The following GFRA1 variants were observed in gnomAD, a reference collection of about 807,000 sequenced individuals.
GFRA1 encodes GDNF family receptor alpha-1.
In GFRA1, 16 loss-of-function variants were observed where a neutral mutation model predicts 51.6. The ratio of observed to expected loss-of-function variants is 0.31; its 90% CI spans 0.21 to 0.47. The LOEUF is 0.47. GFRA1 is among the 20% of genes least tolerant of loss of function. GFRA1 has a pLI of 1.00. For missense variants in GFRA1, 530 were observed against 594.3 expected, an observed-to-expected ratio of 0.89 and a Z score of 1.13; for synonymous variants, 270 against 241.3, an observed-to-expected ratio of 1.12 and a Z score of -1.10.
At chr10:116,183,338 C>G (rs978381444) in intron 5 of GFRA1, among the ~76,000 whole-genome samples, 1 of 152,206 alleles carries the variant, frequency 6.6e-6, no homozygotes, top group Admixed American at 6.5e-5. Flanking sequence ...TTCTAACAGC[C>G]TATCCTCACT....
chr10:116,151,848 C>G (rs1195910416), intron 5 of GFRA1, among the ~76,000 whole-genome samples: 1 of 152,070 alleles, frequency 6.6e-6, no homozygotes, highest in Non-Finnish European at 1.5e-5. Flanking sequence ...GGCAAACAAG[C>G]AAATAAATGA....
At chr10:116,179,773 A>G (rs934094513) in intron 5 of GFRA1, among the ~76,000 whole-genome samples, 15 of 152,206 alleles carry the variant, frequency 9.9e-5, no homozygotes, top group Non-Finnish European at 2.9e-5. Context: ...GCTAGAGGTG[A>G]ACTGTCCCAT....
At position 116,096,774 on chromosome 10, in the gene GFRA1, G is replaced by A. The variant is rs778381697; in HGVS notation, c.771-10C>T. ...ATCCGCAAGGCGAGATCTACAATAG[G>A]AAAAAAGGGGTGGGGGGTGGAAATG... On this transcript the variant is annotated splice_polypyrimidine_tract_variant and intron_variant, in intron 6 of 10. Coordinates refer to ENST00000355422, the MANE Select transcript of GFRA1 (RefSeq NM_005264.8). 1 of 1,440,572 alleles carries A rather than the reference G, an allele frequency of 6.9e-7. No homozygotes were observed. The highest frequency in any genetic ancestry group is 2.3e-5 in the East Asian group (1 of 44,004). 89.2% of individuals were successfully genotyped at this position (1,440,572 alleles called of 1,614,324 possible). A position where few individuals can be genotyped will look rare whatever the true frequency, so the allele number is the denominator to read the frequency against.
intron 5 of GFRA1, among the ~76,000 whole-genome samples, chr10:116,161,793 T>A (rs1393490202): frequency 6.6e-6 from 1 of 152,246 alleles, no homozygotes. Context: ...CTTTCCTTTA[T>A]AAATTACTCA....
At chr10:116,197,525 T>G (rs972684952) in intron 5 of GFRA1, among the ~76,000 whole-genome samples, 1 of 152,208 alleles carries the variant, frequency 6.6e-6, no homozygotes, top group African/African-American at 2.4e-5. Context: ...TGTGTGCACG[T>G]GCATCTGCAT....
intron 4 of GFRA1, among the ~76,000 whole-genome samples, chr10:116,261,977 C>T (rs987486393): frequency 3.3e-5 from 5 of 152,164 alleles, no homozygotes; most frequent in African/African-American, 1.2e-4. Context: ...GATCCATACA[C>T]TTTTACCAAA....
intron 4 of GFRA1, among the ~76,000 whole-genome samples, chr10:116,253,399 GGAGTTCA>G (rs1968552519): frequency 6.6e-6 from 1 of 152,124 alleles, no homozygotes; most frequent in Non-Finnish European, 1.5e-5. Context: ...TTTGAAGTCA[GGAGTTCA>G]AAACCAGCCT....
chr10:116,183,071 T>C (rs1962386138), intron 5 of GFRA1, among the ~76,000 whole-genome samples: 1 of 152,358 alleles, frequency 6.6e-6, no homozygotes, highest in Non-Finnish European at 1.5e-5. Flanking sequence ...CCTTGATGTT[T>C]CCCAAGTCTT....
chr10:116,272,048 G>T lies in GFRA1; in HGVS notation c.-19C>A. On this transcript the variant is annotated 5_prime_UTR_variant, in exon 2 of 11. Coordinates refer to ENST00000355422, the MANE Select transcript of GFRA1 (RefSeq NM_005264.8). This position sits in a 1 kb window ranked among gnomAD's most constrained non-coding sequence, Gnocchi z 4.4. ...GGAACATGGTGCCGGCGCGGGGCTG[G>T]TCCCCGCCCCCCCAAAAAAATCCCG... is the stretch of plus-strand genomic sequence containing the variant. The T allele has an allele frequency of 6.5e-7, 1 of 1,549,640 alleles. No homozygotes were observed. Among genetic ancestry groups the T allele is most frequent in the Non-Finnish European group, 8.7e-7 (1 of 1,146,608 alleles).
chr10:116,060,606 T>C lies in GFRA1; in HGVS notation c.*3792A>G, dbSNP rs1954762683. 6.6e-6 allele frequency: 1 copy of C among 152,234 alleles called. No homozygotes were observed. The highest frequency in any genetic ancestry group is 2.1e-4 in the South Asian group (1 of 4,828). The allele number at this position is 152,234 out of a possible 1,614,324, so 9.4% of individuals were successfully genotyped here. A position where few individuals can be genotyped will look rare whatever the true frequency, so the allele number is the denominator to read the frequency against. On this transcript the variant is annotated 3_prime_UTR_variant, in exon 11 of 11. Transcript: ENST00000355422. ...GCCAGTGGTAATTCTCTCCTGCCTGTTGTCATTGCTTTTAGGTCGTTCTTG... is the reference window on the plus strand; with the variant it reads ...GCCAGTGGTAATTCTCTCCTGCCTGCTGTCATTGCTTTTAGGTCGTTCTTG...
intron 5 of GFRA1, among the ~76,000 whole-genome samples, chr10:116,205,596 G>GATATATATATATATATATATAT (rs140642664): frequency 1.7e-4 from 24 of 140,584 alleles, no homozygotes; most frequent in African/African-American, 6.2e-4. Flanking sequence ...AAAAAAAAAA[G>GATATATATATATATATATATAT]ATATATATAT....
chr10:116,072,726 A>G (rs1228068623), intron 9 of GFRA1, among the ~76,000 whole-genome samples: 1 of 152,080 alleles, frequency 6.6e-6, no homozygotes, highest in Non-Finnish European at 1.5e-5. Flanking sequence ...ACACCACTGC[A>G]CTCCAGCCTG....
intron 5 of GFRA1, among the ~76,000 whole-genome samples, chr10:116,136,190 C>A (rs1958318003): frequency 6.6e-6 from 1 of 152,178 alleles, no homozygotes; most frequent in African/African-American, 2.4e-5. Flanking sequence ...CAGAGAGCAG[C>A]CCTTGCTTTT....
At chr10:116,197,069 T>A (rs1963942252) in intron 5 of GFRA1, among the ~76,000 whole-genome samples, 1 of 151,836 alleles carries the variant, frequency 6.6e-6, no homozygotes, top group African/African-American at 2.4e-5. Flanking sequence ...TTGTGGCCTA[T>A]CCTAAATCCT....
intron 5 of GFRA1, among the ~76,000 whole-genome samples, chr10:116,143,041 C>T (rs17094234): frequency 0.15 from 22,635 of 152,222 alleles, 2,047 homozygotes; most frequent in East Asian, 0.2. Flanking sequence ...TTGATGAAAA[C>T]ACTCCATATT....
intron 5 of GFRA1, among the ~76,000 whole-genome samples, chr10:116,161,755 C>T (rs1959825705): frequency 6.6e-6 from 1 of 152,200 alleles, no homozygotes; most frequent in Non-Finnish European, 1.5e-5. Context: ...CTCCCTCAGC[C>T]ATGTGGAACT....
intron 5 of GFRA1, among the ~76,000 whole-genome samples, chr10:116,186,416 A>T (rs1962722725): frequency 6.6e-6 from 1 of 152,212 alleles, no homozygotes; most frequent in Admixed American, 6.5e-5. Context: ...TGTGCCACTG[A>T]GCACAGTTTT....
At chr10:116,170,385 A>T (rs1174182865) in intron 5 of GFRA1, among the ~76,000 whole-genome samples, 2 of 152,178 alleles carry the variant, frequency 1.3e-5, no homozygotes, top group South Asian at 4.1e-4. Flanking sequence ...CAAGTTCTCT[A>T]TTGAGATAAT....
At chr10:116,083,970 G>GA (rs1955974490) in intron 9 of GFRA1, among the ~76,000 whole-genome samples, 1 of 152,228 alleles carries the variant, frequency 6.6e-6, no homozygotes, top group Admixed American at 6.5e-5. Context: ...CGACTCTGGG[G>GA]AGATAAGGAA....
Sources: gnomAD v4.1 joint callset for allele counts (sites outside exome capture counted in the v4.1 genomes callset) on GRCh38, gnomAD v4.1.1 for gene constraint, Gnocchi (gnomAD v3.1) non-coding constraint, MANE v1.5 for transcripts, NCBI Gene and HGNC (gene_info 2026-07-23, HGNC 2026-07-21) for gene names.